ARHGAP10: variants seen among roughly 807,000 people sequenced by gnomAD.
The protein encoded by ARHGAP10 is rho GTPase-activating protein 10.
Under a neutral mutation model 108.6 loss-of-function variants are expected in ARHGAP10, and 87 were observed. The ratio of observed to expected loss-of-function variants is 0.80; its 90% confidence interval spans 0.67 to 0.96. The LOEUF (loss-of-function observed/expected upper bound fraction) is 0.96, where lower values mean the gene tolerates loss of function less well. Among genes scored for constraint, ARHGAP10 ranks in the 40% least tolerant of loss-of-function variants. ARHGAP10 has a pLI of 0.00. For synonymous variants in ARHGAP10, 347 were observed against 341.1 expected, an observed-to-expected ratio of 1.02 and a Z score of -0.19; for missense variants, 939 against 954.5, an observed-to-expected ratio of 0.98 and a Z score of 0.21.
chr4:147,765,011 C>T (rs1254971365), intron 1 of ARHGAP10, among the ~76,000 whole-genome samples: 4 of 152,124 alleles, frequency 2.6e-5, no homozygotes, highest in African/African-American at 9.7e-5. Flanking sequence ...AGTAATCTTG[C>T]ATAAGTTTTA....
chr4:147,744,655 C>A (rs986714123), intron 1 of ARHGAP10, among the ~76,000 whole-genome samples: 19 of 151,996 alleles, frequency 1.3e-4, no homozygotes, highest in African/African-American at 4.6e-4. Context: ...TGGGGGCTGC[C>A]CTGACACCTC....
chr4:147,932,404 T>C (rs1211622121), intron 13 of ARHGAP10, among the ~76,000 whole-genome samples: 1 of 152,132 alleles, frequency 6.6e-6, no homozygotes, highest in Non-Finnish European at 1.5e-5. Flanking sequence ...TCAACCCAAA[T>C]GCCCATCAAT....
intron 19 of ARHGAP10, among the ~76,000 whole-genome samples, chr4:148,024,013 G>T (rs145485923): frequency 4.6e-5 from 7 of 152,334 alleles, no homozygotes; most frequent in African/African-American, 1.7e-4. Flanking sequence ...TTGCCACGTG[G>T]CCCTGTTGTT....
intron 5 of ARHGAP10, chr4:147,863,061 A>G (rs986575550): frequency 1.3e-5 from 2 of 152,244 alleles, no homozygotes; most frequent in Non-Finnish European, 2.9e-5. Flanking sequence ...TGCTTTTCAA[A>G]AACAACACAT....
chr4:147,796,108 C>G (rs771431003), intron 1 of ARHGAP10, among the ~76,000 whole-genome samples: 40 of 152,238 alleles, frequency 2.6e-4, no homozygotes, highest in Non-Finnish European at 4.1e-4. Context: ...AATTTCCCCC[C>G]CTTCTTGTAG....
At chr4:147,826,229 G>A (rs1309939713) in intron 3 of ARHGAP10, among the ~76,000 whole-genome samples, 1 of 152,166 alleles carries the variant, frequency 6.6e-6, no homozygotes, top group African/African-American at 2.4e-5. Flanking sequence ...ATAGAGCGAT[G>A]AGGTCCAAAA....
At chr4:148,045,617 A>G (rs1728840365) in intron 19 of ARHGAP10, among the ~76,000 whole-genome samples, 2 of 151,962 alleles carry the variant, frequency 1.3e-5, no homozygotes, top group Admixed American at 1.3e-4. Context: ...GCATGCCTGT[A>G]ATCCCAACTA....
At position 147,806,520 on chromosome 4, in the gene ARHGAP10, T is replaced by C. The variant is rs1203751885; in HGVS notation, c.155-16207T>C. On this transcript the variant is annotated intron_variant, in intron 1 of 22. Transcript: ENST00000336498. ...GGGGGCGGGGGATGGAGTTGCTGCT[T>C]ATAGATCAATGCCTGTCTGAAGACT... Among the ~76,000 whole-genome samples the C allele has an allele frequency of 3.9e-5, 6 of 152,010 alleles. No homozygotes were observed. In the South Asian group the frequency reaches 8.3e-4, roughly 21 times the overall value.
chr4:147,907,953 C>T (rs1465939066), intron 11 of ARHGAP10, among the ~76,000 whole-genome samples: 2 of 152,148 alleles, frequency 1.3e-5, no homozygotes, highest in Admixed American at 6.5e-5. Flanking sequence ...AGTGATTCTC[C>T]TGCTTCAGCC....
intron 18 of ARHGAP10, among the ~76,000 whole-genome samples, chr4:148,020,093 A>G (rs950074870): frequency 1.3e-5 from 2 of 152,194 alleles, no homozygotes; most frequent in Admixed American, 1.3e-4. Context: ...GTCAGCGCTC[A>G]AAAGTTTCAG....
At chr4:148,027,341 T>C (rs1296045604) in intron 19 of ARHGAP10, among the ~76,000 whole-genome samples, 1 of 152,218 alleles carries the variant, frequency 6.6e-6, no homozygotes, top group Admixed American at 6.5e-5. Flanking sequence ...TGCAAGCCAA[T>C]TGGCAAGATT....
intron 1 of ARHGAP10, among the ~76,000 whole-genome samples, chr4:147,784,883 TATATTATAAAATATATATTATAAATATA>T (rs1407368304): frequency 1.7e-5 from 2 of 120,000 alleles, no homozygotes; most frequent in East Asian, 2.2e-4. Context: ...ATATTATAAA[TATATTATAAAATATATATTATAAATATA>T]ATATATTATA....
At chr4:148,014,389 G>A (rs1390423229) in intron 18 of ARHGAP10, among the ~76,000 whole-genome samples, 1 of 152,170 alleles carries the variant, frequency 6.6e-6, no homozygotes, top group Non-Finnish European at 1.5e-5. Context: ...CACCTGGAGT[G>A]TTTTTAAAGG....
At chr4:147,756,083 T>C (rs1051126240) in intron 1 of ARHGAP10, among the ~76,000 whole-genome samples, 2 of 147,146 alleles carry the variant, frequency 1.4e-5, no homozygotes, top group Non-Finnish European at 3.0e-5. Flanking sequence ...TTTTTCCTCA[T>C]GGTTGCAAGA....
At chr4:148,022,209 G>T (rs1741594100) in intron 18 of ARHGAP10, among the ~76,000 whole-genome samples, 1 of 152,320 alleles carries the variant, frequency 6.6e-6, no homozygotes, top group South Asian at 2.1e-4. Flanking sequence ...TGCAGAACGT[G>T]CAGATTTGTT....
intron 15 of ARHGAP10, 144 bp downstream of exon 15, chr4:147,946,848 C>G: frequency 1.8e-6 from 1 of 542,406 alleles, no homozygotes; most frequent in Non-Finnish European, 2.9e-6. Context: ...CTCAGTGTCC[C>G]AGAAAGAAAG....
intron 5 of ARHGAP10, chr4:147,861,101 A>G (rs1242426212): frequency 6.6e-6 from 1 of 152,220 alleles, no homozygotes; most frequent in Non-Finnish European, 1.5e-5. Context: ...GGCTTGTGCT[A>G]CTGGCCTGGA....
chr4:148,026,806 G>A (rs148474147), intron 19 of ARHGAP10, among the ~76,000 whole-genome samples: 18 of 152,300 alleles, frequency 1.2e-4, no homozygotes, highest in South Asian at 4.1e-4. Flanking sequence ...AAAATATGAC[G>A]TAGGCTGCTA....
intron 18 of ARHGAP10, among the ~76,000 whole-genome samples, chr4:148,021,971 TA>T (rs2149662689): frequency 6.6e-6 from 1 of 152,352 alleles, no homozygotes; most frequent in South Asian, 2.1e-4. Flanking sequence ...AGCTTATTTT[TA>T]TTGGTATATA....
Sources: gnomAD v4.1 joint callset for allele counts (sites outside exome capture counted in the v4.1 genomes callset) on GRCh38, gnomAD v4.1.1 for gene constraint, MANE v1.5 for transcripts, NCBI Gene and HGNC (gene_info 2026-07-23, HGNC 2026-07-21) for gene names.